The following DNM1 variants were observed in gnomAD, a reference collection of about 807,000 sequenced individuals.
DNM1 encodes dynamin-1.
In DNM1, 29 loss-of-function variants were observed where a neutral mutation model predicts 104.6. The ratio of observed to expected loss-of-function variants is 0.28; its 90% CI spans 0.21 to 0.38. The LOEUF (loss-of-function observed/expected upper bound fraction) is 0.38. DNM1 is among the 10% of genes least tolerant of loss of function. DNM1 has a pLI of 1.00. For synonymous variants in DNM1, 445 were observed against 475.8 expected (o/e 0.94, Z 0.84); for missense variants, 640 against 1,189.4 (o/e 0.54, Z 6.79).
chr9:128,228,682 T>C (rs1835484464), intron 10 of DNM1, among the ~76,000 whole-genome samples: 1 of 152,084 alleles, frequency 6.6e-6, no homozygotes, highest in Admixed American at 6.6e-5. Flanking sequence ...ATTTAGAATA[T>C]TGAAAAACTG....
intron 11 of DNM1, among the ~76,000 whole-genome samples, chr9:128,236,976 G>C (rs1836054615): frequency 6.6e-6 from 1 of 152,206 alleles, no homozygotes; most frequent in African/African-American, 2.4e-5. Context: ...CAAGCCTGCT[G>C]TGTGCCTTGC....
intron 10 of DNM1, among the ~76,000 whole-genome samples, chr9:128,225,398 T>A (rs1219514186): frequency 6.6e-6 from 1 of 152,180 alleles, no homozygotes; most frequent in Non-Finnish European, 1.5e-5. Flanking sequence ...GTCAGGCTGC[T>A]ATACTGCAAC....
At chr9:128,212,577 A>G (rs1357609991) in intron 1 of DNM1, among the ~76,000 whole-genome samples, 1 of 152,256 alleles carries the variant, frequency 6.6e-6, no homozygotes, top group Non-Finnish European at 1.5e-5. Flanking sequence ...GGAAATGTCT[A>G]TGATATGTTA....
intron 14 of DNM1, 56 bp from the exon 15 acceptor site, chr9:128,242,176 C>A (rs1303230806): frequency 2.0e-6 from 2 of 993,774 alleles, no homozygotes; most frequent in Non-Finnish European, 3.2e-6. Flanking sequence ...CCTACCCCAT[C>A]CCCCATGGGG....
In DNM1 at chr9:128,248,855, G is replaced by T; in HGVS notation, c.2076+102G>T. ...ATGCCAACCAGCCCTATGGGACCAGGTCCAGGGAGGGAGGCACGGTCCAGA... is the reference window on the plus strand; with the variant it reads ...ATGCCAACCAGCCCTATGGGACCAGTTCCAGGGAGGGAGGCACGGTCCAGA... On this transcript the variant is annotated intron_variant, in intron 19 of 21. Coordinates refer to ENST00000372923, the MANE Select transcript of DNM1 (RefSeq NM_004408.4). The surrounding 1 kb of genome is among the most constrained non-coding windows in gnomAD (Gnocchi z 5.6). The T allele has an allele frequency of 7.5e-7, 1 of 1,331,480 alleles. No individual in the cohort carries two copies. The allele number at this position is 1,331,480 out of a possible 1,614,324, so 82.5% of individuals were successfully genotyped here.
intron 11 of DNM1, among the ~76,000 whole-genome samples, chr9:128,234,562 CAG>C (rs1564342190): frequency 1.3e-5 from 2 of 152,170 alleles, no homozygotes; most frequent in African/African-American, 2.4e-5. Context: ...TTAGTACAGA[CAG>C]GGTTTCACCA....
In DNM1 at chr9:128,218,487, C is replaced by A; in HGVS notation, c.236-95C>A. 6.8e-7 allele frequency: 1 copy of A among 1,480,840 alleles called. No homozygotes were observed. The highest frequency in any genetic ancestry group is 9.3e-7 in the Non-Finnish European group (1 of 1,074,526). 91.7% of individuals were successfully genotyped at this position (1,480,840 alleles called of 1,614,324 possible). ...GGGTGGTGGTTCTGCTTGGGTGTGT[C>A]TAGGGGGTTCTATTACCGGTGGGAG... is the stretch of plus-strand genomic sequence containing the variant. On this transcript the variant is annotated intron_variant, in intron 2 of 21. Coordinates refer to ENST00000372923, the MANE Select transcript of DNM1 (RefSeq NM_004408.4). The surrounding 1 kb of genome is among the most constrained non-coding windows in gnomAD (Gnocchi z 4.8).
chr9:128,238,674 G>GT (rs1836165779), intron 11 of DNM1, among the ~76,000 whole-genome samples: 1 of 103,822 alleles, frequency 9.6e-6, no homozygotes. Context: ...TTTTTCTTTT[G>GT]AGGTGGAGTC....
chr9:128,218,315 T>A lies in DNM1; in HGVS notation c.235+11T>A. The stretch of plus-strand genomic sequence containing the variant: ...TCAATGCAACCACAGGTACGTGCCC[T>A]CCTTCACCAGCAGCCAGGCCTGCCC... On this transcript the variant is annotated intron_variant, in intron 2 of 21. Transcript: ENST00000372923. The surrounding 1 kb of genome is among the most constrained non-coding windows in gnomAD (Gnocchi z 4.8). 2 of 1,613,900 alleles carry A rather than the reference T, an allele frequency of 1.2e-6. No homozygotes were observed. Among genetic ancestry groups the A allele is most frequent in the Non-Finnish European group, 1.7e-6 (2 of 1,179,860 alleles).
In DNM1 at chr9:128,230,480, C is replaced by T. The variant is rs185779006; in HGVS notation, c.1336-3541C>T. ...TATTTTTTTTTTTGAGATGGAGTTT[C>T]GCTCTTGTTGCCCAGGCTGGAGTGC... On this transcript the variant is annotated intron_variant, in intron 10 of 21. Coordinates refer to ENST00000372923, the MANE Select transcript of DNM1 (RefSeq NM_004408.4). 2.5e-3 allele frequency among the ~76,000 whole-genome samples: 356 copies of T among 142,860 alleles called. 2 individuals are homozygous for T. The highest frequency in any genetic ancestry group is 4.4e-3 in the Non-Finnish European group (288 of 65,898). The allele number at this position is 142,860 out of a possible 152,430, so 93.7% of individuals were successfully genotyped here.
Position 128,253,051 on chromosome 9 carries a change from G to T in DNM1, c.2535-1603G>T. ...GTGTGTGTCCCCCACCCCCAGGCCG[G>T]CCCCACCCGTGCGTGTGAACTGCCA... is the stretch of plus-strand genomic sequence containing the variant. On this transcript the variant is annotated intron_variant, in intron 21 of 21. Transcript: ENST00000372923. This position sits in a 1 kb window ranked among gnomAD's most constrained non-coding sequence, Gnocchi z 5.9. 6.2e-7 allele frequency: 1 copy of T among 1,604,126 alleles called. No individual in the cohort carries two copies.
Position 128,222,473 on chromosome 9 carries a change from G to A in DNM1, c.1005G>A (p.Gln335=), listed in dbSNP as rs1554774560. ...ACTCTCCCACCAGGATGGTCCAGCA[G>A]TTCGCCGTAGACTTTGAGAAGCGCA... ...KTKALLQMVQ[Q]FAVDFEKRIE... Residue 335 remains glutamine, a synonymous_variant, in exon 8 of 22, where the codon CAG becomes CAA. Coordinates refer to ENST00000372923, the MANE Select transcript of DNM1 (RefSeq NM_004408.4). The surrounding 1 kb of genome is among the most constrained non-coding windows in gnomAD (Gnocchi z 7.8). The A allele has an allele frequency of 6.2e-7, 1 of 1,614,158 alleles. No individual in the cohort carries two copies. The highest frequency in any genetic ancestry group is 1.1e-5 in the South Asian group (1 of 91,078).
chr9:128,216,568 A>G (rs957347919), intron 1 of DNM1, among the ~76,000 whole-genome samples: 1 of 152,188 alleles, frequency 6.6e-6, no homozygotes, highest in Non-Finnish European at 1.5e-5. Context: ...CGCAGAAATG[A>G]TGAATATACA....
chr9:128,252,829 A>C, intron 21 of DNM1: 1 of 673,392 alleles, frequency 1.5e-6, no homozygotes, highest in Non-Finnish European at 2.7e-6. Flanking sequence ...GACTCTGCCC[A>C]CACGTGTGCT....
chr9:128,252,658 A>G (rs959455221), intron 21 of DNM1: 15 of 441,668 alleles, frequency 3.4e-5, no homozygotes, highest in African/African-American at 1.2e-4. Context: ...TGTGGGCAGT[A>G]GGGAACCACA....
In DNM1 at chr9:128,220,740, C is replaced by CGTGTGTGTGTGTGT. The variant is rs754950978; in HGVS notation, c.849+400_849+401insTGTGTGTGTGTGTG. 1.0e-3 allele frequency among the ~76,000 whole-genome samples: 131 copies of CGTGTGTGTGTGTGT among 125,766 alleles called. No homozygotes were observed. The highest frequency in any genetic ancestry group is 2.2e-3 in the East Asian group (7 of 3,156). The allele number at this position is 125,766 out of a possible 152,430, so 82.5% of individuals were successfully genotyped here. A position where few individuals can be genotyped will look rare whatever the true frequency, so the allele number is the denominator to read the frequency against. Reference sequence around the variant, plus strand: ...TCCAGAACTGAAGTGCGCGCGCGCGCGCGTGTGTGTGTGTGTGTGTGTGTG... The same window carrying CGTGTGTGTGTGTGT: ...TCCAGAACTGAAGTGCGCGCGCGCGCGTGTGTGTGTGTGTGCGTGTGTGTGTGTGTGTGTGTGTG... On this transcript the variant is annotated intron_variant, in intron 6 of 21. Transcript: ENST00000372923. This position sits in a 1 kb window ranked among gnomAD's most constrained non-coding sequence, Gnocchi z 5.2.
In DNM1 at chr9:128,253,249, T is replaced by C. The variant is rs1829641872; in HGVS notation, c.2535-1405T>C. Reference sequence around the variant, plus strand: ...AGAGCCAGGCTCCCCGCCCCTCCCTTCTGCAGCTGCAGACTTGCTCTTTCC... The same window carrying C: ...AGAGCCAGGCTCCCCGCCCCTCCCTCCTGCAGCTGCAGACTTGCTCTTTCC... On this transcript the variant is annotated intron_variant, in intron 21 of 21. Coordinates refer to ENST00000372923, the MANE Select transcript of DNM1 (RefSeq NM_004408.4). The surrounding 1 kb of genome is among the most constrained non-coding windows in gnomAD (Gnocchi z 5.9). 2 of 985,558 alleles carry C rather than the reference T, an allele frequency of 2.0e-6. No individual in the cohort carries two copies. Among genetic ancestry groups the C allele is most frequent in the Non-Finnish European group, 3.1e-6 (2 of 644,848 alleles). 61.1% of individuals were successfully genotyped at this position (985,558 alleles called of 1,614,324 possible). A position where few individuals can be genotyped will look rare whatever the true frequency, so the allele number is the denominator to read the frequency against.
At chr9:128,205,698 G>T (rs769944402) in intron 1 of DNM1, among the ~76,000 whole-genome samples, 2 of 152,210 alleles carry the variant, frequency 1.3e-5, no homozygotes, top group Non-Finnish European at 2.9e-5. Flanking sequence ...TTCATGGGTG[G>T]AAAGGTGCTT....
At chr9:128,228,130 C>T (rs565497067) in intron 10 of DNM1, among the ~76,000 whole-genome samples, 2 of 152,272 alleles carry the variant, frequency 1.3e-5, no homozygotes, top group African/African-American at 4.8e-5. Flanking sequence ...CAACCTCCAC[C>T]TCTCAGGTTC....
Sources: allele counts gnomAD v4.1 joint callset (sites outside exome capture counted in the v4.1 genomes callset), GRCh38; gene constraint gnomAD v4.1.1; non-coding constraint Gnocchi (gnomAD v3.1); transcripts MANE v1.5; gene names NCBI Gene and HGNC (gene_info 2026-07-23, HGNC 2026-07-21).